WASF3: variants seen among roughly 807,000 people sequenced by gnomAD.
WASF3 encodes WASP family member 3.
A neutral mutation model predicts 46.6 loss-of-function variants in WASF3; 11 were observed. The ratio of observed to expected loss-of-function variants is 0.24; its 90% CI spans 0.15 to 0.39. The LOEUF is 0.39. Ranked by LOEUF, WASF3 falls within the 10% of genes least tolerant of loss-of-function variation. WASF3 has a pLI of 1.00. For missense variants in WASF3, 576 were observed against 669.8 expected (o/e 0.86, Z 1.55); for synonymous variants, 242 against 259.7 (o/e 0.93, Z 0.65).
At chr13:26,544,422 A>T in the WASF3 span, among the ~76,000 whole-genome samples, 1 of 152,334 alleles carries the variant, frequency 6.6e-6, no homozygotes, top group East Asian at 1.9e-4. Flanking sequence ...TTTTCAGCAC[A>T]GCATCTCCTC....
chr13:26,642,490 G>T, intron 3 of WASF3, 87 bp downstream of exon 3: 1 of 1,428,680 alleles, frequency 7.0e-7, no homozygotes, highest in Non-Finnish European at 9.3e-7. Context: ...CCAAAGAAGA[G>T]ATTGCAGCTT....
At chr13:26,577,211 G>A in intron 1 of WASF3, 1 of 737,006 alleles carries the variant, frequency 1.4e-6, no homozygotes, top group East Asian at 2.5e-5. Flanking sequence ...GTGACAAAAT[G>A]TGTTCCATGG....
upstream of WASF3, among the ~76,000 whole-genome samples, chr13:26,556,260 C>T (rs1879095755): frequency 6.6e-6 from 1 of 152,214 alleles, no homozygotes. Context: ...ATATGATTAG[C>T]AACCTTGAAA....
intron 6 of WASF3, among the ~76,000 whole-genome samples, chr13:26,674,944 A>G (rs73494713): frequency 0.036 from 5,414 of 152,284 alleles, 333 homozygotes; most frequent in African/African-American, 0.12. Context: ...ATCGTCTCAT[A>G]TGCTTATTAA....
At chr13:26,590,407 C>T (rs1026211261) in intron 1 of WASF3, among the ~76,000 whole-genome samples, 5 of 151,838 alleles carry the variant, frequency 3.3e-5, no homozygotes, top group Admixed American at 6.6e-5. Flanking sequence ...AAAAGAAACC[C>T]GAAAGAAGGT....
intron 1 of WASF3, among the ~76,000 whole-genome samples, chr13:26,596,007 A>G (rs983473190): frequency 6.6e-6 from 1 of 152,132 alleles, no homozygotes; most frequent in African/African-American, 2.4e-5. Flanking sequence ...ATACCCATGA[A>G]TGTGATTATT....
intron 4 of WASF3, among the ~76,000 whole-genome samples, 189 bp from the exon 5 acceptor site, chr13:26,667,328 A>G (rs1593179682): frequency 6.6e-6 from 1 of 152,220 alleles, no homozygotes; most frequent in Non-Finnish European, 1.5e-5. Flanking sequence ...ACCTCATTTC[A>G]TAGTGATAGC....
chr13:26,544,395 G>A, the WASF3 span, among the ~76,000 whole-genome samples: 8 of 152,172 alleles, frequency 5.3e-5, no homozygotes, highest in Non-Finnish European at 8.8e-5. Context: ...ATGTTGATGG[G>A]CCAGCAAATG....
chr13:26,680,221 T>G lies in WASF3; in HGVS notation c.717-833T>G, dbSNP rs759114216. ...CAGCGGGTTTGTTGTTTTGCTTTCT[T>G]TGGGTTCCCAGACTCAGACTGCCCC... On this transcript the variant is annotated intron_variant, in intron 7 of 9. Transcript: ENST00000335327. The G allele has an allele frequency of 5.2e-6, 8 of 1,541,230 alleles. No individual in the cohort carries two copies. The South Asian group carries it at 7.5e-5, about 15-fold the overall frequency.
At chr13:26,566,127 T>C (rs137986460) in intron 1 of WASF3, among the ~76,000 whole-genome samples, 1 of 152,376 alleles carries the variant, frequency 6.6e-6, no homozygotes, top group African/African-American at 2.4e-5. Context: ...TCAAATTTCA[T>C]TTGAGACAAT....
chr13:26,542,913 G>C, the WASF3 span, among the ~76,000 whole-genome samples: 354 of 152,296 alleles, frequency 2.3e-3, 2 homozygotes, highest in Admixed American at 2.9e-3. Flanking sequence ...TGAATGGACT[G>C]TGCAGAAATA....
intron 7 of WASF3, among the ~76,000 whole-genome samples, 192 bp downstream of exon 7, chr13:26,676,916 G>A (rs983937838): frequency 1.1e-4 from 16 of 152,064 alleles, no homozygotes; most frequent in African/African-American, 3.9e-4. Flanking sequence ...ATTTTACATT[G>A]GGTTCCTTTG....
chr13:26,553,432 A>G (rs1879011801), upstream of WASF3, among the ~76,000 whole-genome samples: 1 of 151,994 alleles, frequency 6.6e-6, no homozygotes, highest in South Asian at 2.1e-4. Context: ...CACTAGAATG[A>G]TCCAGACATT....
At chr13:26,629,802 G>A (rs1881596111) in intron 2 of WASF3, among the ~76,000 whole-genome samples, 1 of 152,122 alleles carries the variant, frequency 6.6e-6, no homozygotes, top group Non-Finnish European at 1.5e-5. Context: ...TTGACTGACA[G>A]AACTTAGCTC....
intron 3 of WASF3, among the ~76,000 whole-genome samples, chr13:26,649,035 G>A (rs980246195): frequency 2.0e-5 from 3 of 152,174 alleles, no homozygotes; most frequent in African/African-American, 7.2e-5. Flanking sequence ...GCACAAGTTA[G>A]AGAGTCAGCC....
chr13:26,620,959 G>A (rs1232103601), intron 2 of WASF3, among the ~76,000 whole-genome samples: 1 of 152,190 alleles, frequency 6.6e-6, no homozygotes, highest in African/African-American at 2.4e-5. Context: ...TGTTGAGGCT[G>A]TATAGCAAAA....
intron 1 of WASF3, chr13:26,577,798 A>G (rs544125409): frequency 3.2e-6 from 2 of 616,410 alleles, no homozygotes; most frequent in South Asian, 2.0e-5. Flanking sequence ...TAGTTTATAC[A>G]TGCACTCAGT....
In WASF3 at chr13:26,681,110, T is replaced by G; in HGVS notation, c.773T>G (p.Leu258Arg). ...TACCCGGCTACTCCCAACCATTCTC[T>G]GCACCCCCAGCCTGTGACCCCTTCC... ...YSYPATPNHSLHPQPVTPSYA... is the reference protein window; with the variant it reads ...YSYPATPNHSRHPQPVTPSYA... Residue 258 changes from leucine (L) to arginine (R), a missense_variant, in exon 8 of 10, where the codon CTG (leucine) becomes CGG (arginine). By Grantham distance (102) the Leu-to-Arg change is moderately radical. Coordinates refer to ENST00000335327, the MANE Select transcript of WASF3 (RefSeq NM_006646.6). 6.2e-7 allele frequency: 1 copy of G among 1,614,222 alleles called. No homozygotes were observed. The highest frequency in any genetic ancestry group is 2.2e-5 in the East Asian group (1 of 44,886).
At chr13:26,662,256 G>C (rs1457310297) in intron 3 of WASF3, among the ~76,000 whole-genome samples, 1 of 152,226 alleles carries the variant, frequency 6.6e-6, no homozygotes, top group African/African-American at 2.4e-5. Flanking sequence ...ATTTCTCAAA[G>C]AACTTAAAAC....
Sources: gnomAD v4.1 joint callset for allele counts (sites outside exome capture counted in the v4.1 genomes callset) on GRCh38, gnomAD v4.1.1 for gene constraint, MANE v1.5 for transcripts, NCBI Gene and HGNC (gene_info 2026-07-23, HGNC 2026-07-21) for gene names.